GRB10: variants seen among roughly 807,000 people sequenced by gnomAD.
GRB10 encodes the protein growth factor receptor bound protein 10.
In GRB10, 20 loss-of-function variants were observed where a neutral mutation model predicts 80.9. The observed-to-expected ratio is 0.25, with a 90% CI of 0.17 to 0.36. GRB10 has a LOEUF of 0.36. Among genes scored for constraint, GRB10 ranks in the 10% least tolerant of loss-of-function variants. The pLI is 1.00. For missense variants in GRB10, 548 were observed against 747.7 expected (o/e 0.73, Z 3.12); for synonymous variants, 291 against 291.5 (o/e 1.00, Z 0.02).
At chr7:50,769,816 C>T (rs999958941) in intron 2 of GRB10, among the ~76,000 whole-genome samples, 3 of 152,128 alleles carry the variant, frequency 2.0e-5, no homozygotes, top group Admixed American at 2.0e-4. Context: ...AAAAAAAAGC[C>T]AGCCTTCTTA....
chr7:50,669,739 G>T lies in GRB10; in HGVS notation c.487C>A (p.Gln163Lys), dbSNP rs752482458. 3.1e-6 allele frequency: 5 copies of T among 1,613,310 alleles called. No homozygotes were observed. The highest frequency in any genetic ancestry group is 4.2e-6 in the Non-Finnish European group (5 of 1,179,986). The change falls in exon 7 of 19, where the codon CAG becomes AAG. Residue 163 changes from glutamine (Q) to lysine (K), a missense_variant. Gln to Lys is a moderately conservative substitution (Grantham distance 53). This residue lies in a region of GRB10 where 245 missense variants were observed against 229.3 expected (regional missense o/e 1.07). Coordinates refer to ENST00000401949, the MANE Select transcript of GRB10 (RefSeq NM_001350814.2). ...ACACTCACCTGCTTTGCGGCGGCCT[G>T]GCTCGGAGGTAAAGAACCCGGCGTG... ...VLTPGSLPPS[Q>K]AAAKQDVKVF...
At chr7:50,660,393 C>A (rs952204399) in intron 7 of GRB10, among the ~76,000 whole-genome samples, 2 of 152,068 alleles carry the variant, frequency 1.3e-5, no homozygotes, top group African/African-American at 4.8e-5. Context: ...GTGGAGTGGA[C>A]GTCCTGCCAC....
At chr7:50,706,193 A>C (rs2065017084) in intron 4 of GRB10, among the ~76,000 whole-genome samples, 1 of 152,210 alleles carries the variant, frequency 6.6e-6, no homozygotes, top group Non-Finnish European at 1.5e-5. Flanking sequence ...ACACAACTAG[A>C]CACTGTTGAA....
intron 7 of GRB10, among the ~76,000 whole-genome samples, chr7:50,651,751 T>C (rs770720820): frequency 2.0e-4 from 31 of 152,260 alleles, no homozygotes; most frequent in Non-Finnish European, 4.0e-4. Context: ...TTGACTCTCT[T>C]GAGTACATGC....
chr7:50,665,793 G>A (rs2059736312), intron 7 of GRB10, among the ~76,000 whole-genome samples: 1 of 152,202 alleles, frequency 6.6e-6, no homozygotes, highest in African/African-American at 2.4e-5. Context: ...AGGCAGGAAG[G>A]AATGAGTGGG....
At chr7:50,630,646 A>G (rs185314272) in intron 7 of GRB10, among the ~76,000 whole-genome samples, 5 of 152,350 alleles carry the variant, frequency 3.3e-5, no homozygotes. Context: ...CAGTCAGAAA[A>G]GCCACCCCTC....
intron 7 of GRB10, among the ~76,000 whole-genome samples, chr7:50,645,131 C>CA (rs2153611605): frequency 6.6e-6 from 1 of 152,294 alleles, no homozygotes; most frequent in Non-Finnish European, 1.5e-5. Context: ...TTTTCACCCT[C>CA]AAAATCCCGA....
At position 50,782,412 on chromosome 7, in the gene GRB10, C is replaced by G. The variant is rs2078389285; in HGVS notation, c.-327+12G>C. 1 of 148,582 alleles carries G rather than the reference C, an allele frequency of 6.7e-6. No homozygotes were observed. Among genetic ancestry groups the G allele is most frequent in the African/African-American group, 2.4e-5 (1 of 41,060 alleles). The allele number at this position is 148,582 out of a possible 1,614,324, so 9.2% of individuals were successfully genotyped here. On this transcript the variant is annotated intron_variant, in intron 1 of 18. Transcript: ENST00000401949. The surrounding 1 kb of genome is among the most constrained non-coding windows in gnomAD (Gnocchi z 6.6). ...CACCGCCCAGCGCCCGCGGCGGAGC[C>G]CACCTGAGTACCTGGAGAGCGGGCG...
chr7:50,676,443 T>G (rs2060965427), intron 5 of GRB10, among the ~76,000 whole-genome samples: 1 of 151,914 alleles, frequency 6.6e-6, no homozygotes, highest in Non-Finnish European at 1.5e-5. Flanking sequence ...ATTTCATCTA[T>G]TTCTTACAAA....
At chr7:50,785,654 G>A (rs182732334), upstream of GRB10, among the ~76,000 whole-genome samples, 12 of 152,336 alleles carry the variant, frequency 7.9e-5, no homozygotes, top group Non-Finnish European at 1.5e-4. Flanking sequence ...CGGGCACCCC[G>A]CCTCACCCTG....
chr7:50,619,190 C>T lies in GRB10; in HGVS notation c.757G>A (p.Glu253Lys), dbSNP rs1471697984. 1.2e-6 allele frequency: 2 copies of T among 1,605,032 alleles called. No homozygotes were observed. Among genetic ancestry groups the T allele is most frequent in the Non-Finnish European group, 1.7e-6 (2 of 1,171,790 alleles). ...CTCACCATGGGATTTTTAAAGAACT[C>T]GTATTTTGCGTAATTCTTCCTGAAT... ...FLFRKNYAKY[E>K]FFKNPMNFFP... Residue 253 changes from glutamate to lysine, a missense_variant, in exon 9 of 19, where the codon GAG becomes AAG. Physicochemically the swap from Glu to Lys is moderately conservative, Grantham distance 56. This residue lies in a region of GRB10 where 270 missense variants were observed against 433.6 expected (regional missense o/e 0.62). Coordinates refer to ENST00000401949, the MANE Select transcript of GRB10 (RefSeq NM_001350814.2).
At chr7:50,767,550 T>C (rs1260719477) in intron 2 of GRB10, among the ~76,000 whole-genome samples, 1 of 152,112 alleles carries the variant, frequency 6.6e-6, no homozygotes, top group Non-Finnish European at 1.5e-5. Flanking sequence ...CTGGCCCACT[T>C]TGAGGCCCAC....
chr7:50,730,382 A>G (rs1458417508), intron 4 of GRB10, among the ~76,000 whole-genome samples: 1 of 152,232 alleles, frequency 6.6e-6, no homozygotes, highest in African/African-American at 2.4e-5. Flanking sequence ...TTAAGAATAA[A>G]TTTTTCTCTA....
chr7:50,777,654 T>G (rs976736976), intron 2 of GRB10, among the ~76,000 whole-genome samples: 18 of 151,788 alleles, frequency 1.2e-4, no homozygotes, highest in Admixed American at 1.1e-3. Context: ...AGCAAAGACA[T>G]GGAACCAACC....
chr7:50,666,368 C>T (rs933282572), intron 7 of GRB10, among the ~76,000 whole-genome samples: 1 of 152,186 alleles, frequency 6.6e-6, no homozygotes, highest in Non-Finnish European at 1.5e-5. Flanking sequence ...GGAGGAATCG[C>T]GTGCTGTTGA....
chr7:50,635,995 CAG>C (rs1312639715), intron 7 of GRB10, among the ~76,000 whole-genome samples: 1 of 86,706 alleles, frequency 1.2e-5, no homozygotes, highest in Non-Finnish European at 2.0e-5. Context: ...TTTTTTGAGA[CAG>C]AGTCTCATTC....
chr7:50,737,705 C>T (rs931380691), intron 3 of GRB10, among the ~76,000 whole-genome samples: 21 of 152,104 alleles, frequency 1.4e-4, no homozygotes, highest in African/African-American at 4.3e-4. Context: ...AAAAATTAGC[C>T]GGGCATGGTG....
chr7:50,625,506 T>C (rs2052715582), intron 8 of GRB10, among the ~76,000 whole-genome samples: 1 of 152,196 alleles, frequency 6.6e-6, no homozygotes, highest in Non-Finnish European at 1.5e-5. Flanking sequence ...GACAGCCTTA[T>C]CAGACCACTG....
At chr7:50,735,728 T>C (rs1426229437) in intron 3 of GRB10, among the ~76,000 whole-genome samples, 1 of 152,206 alleles carries the variant, frequency 6.6e-6, no homozygotes, top group African/African-American at 2.4e-5. Context: ...TAAAAAATTT[T>C]ATTAAAAAGT....
Sources: gnomAD v4.1 joint callset for allele counts (sites outside exome capture counted in the v4.1 genomes callset) on GRCh38, gnomAD v4.1.1 for gene constraint, gnomAD v4.1.1 regional missense constraint, Gnocchi (gnomAD v3.1) non-coding constraint, MANE v1.5 for transcripts, NCBI Gene and HGNC (gene_info 2026-07-23, HGNC 2026-07-21) for gene names.